Variants in EPHA3 observed in about 807,000 individuals in gnomAD.
EPHA3 encodes the protein EPH receptor A3, also known as ephrin type-A receptor 3.
In EPHA3, 42 loss-of-function variants were observed where a neutral mutation model predicts 107.1. That is an observed-to-expected ratio of 0.39 (90% CI 0.31 to 0.51). The LOEUF is 0.51. Among genes scored for constraint, EPHA3 ranks in the 20% least tolerant of loss-of-function variants. The pLI, the probability that EPHA3 is intolerant of heterozygous loss-of-function variation, is 0.78. For synonymous variants in EPHA3, 461 were observed against 424.8 expected, an observed-to-expected ratio of 1.09 and a Z score of -1.05; for missense variants, 1,183 against 1,211.2, an observed-to-expected ratio of 0.98 and a Z score of 0.35.
chr3:89,417,707 G>A (rs1233878147), intron 10 of EPHA3, among the ~76,000 whole-genome samples: 1 of 151,282 alleles, frequency 6.6e-6, no homozygotes, highest in Non-Finnish European at 1.5e-5. Context: ...CACTATAGCT[G>A]TAGATATCAT....
Position 89,408,049 on chromosome 3 carries a change from T to C in EPHA3, c.1698-18T>C, listed in dbSNP as rs774019953. 11 of 1,611,870 alleles carry C rather than the reference T, an allele frequency of 6.8e-6. No homozygotes were observed. Among genetic ancestry groups the C allele is most frequent in the Non-Finnish European group, 9.3e-6 (11 of 1,178,626 alleles). On this transcript the variant is annotated intron_variant, in intron 8 of 16. Transcript: ENST00000336596. ...ATATATTCCTCTTATGTGTTCGCTT[T>C]CCTTGATTTACCTCCAGGTTCTGTG...
intron 15 of EPHA3, among the ~76,000 whole-genome samples, chr3:89,471,472 G>A (rs1219082660): frequency 1.3e-5 from 2 of 152,108 alleles, no homozygotes; most frequent in East Asian, 1.9e-4. Flanking sequence ...AGGTTCAAGC[G>A]ATTCTCCTGC....
chr3:89,118,564 C>T (rs1396836617), intron 1 of EPHA3, among the ~76,000 whole-genome samples: 1 of 151,668 alleles, frequency 6.6e-6, no homozygotes, highest in African/African-American at 2.4e-5. Context: ...GTTTACTACC[C>T]TAACCCTATT....
At chr3:89,262,304 T>G (rs1208412261) in intron 3 of EPHA3, among the ~76,000 whole-genome samples, 2 of 152,218 alleles carry the variant, frequency 1.3e-5, no homozygotes, top group African/African-American at 4.8e-5. Flanking sequence ...AATATATTTT[T>G]AATTGTTCTG....
chr3:89,307,972 G>A (rs1463241621), intron 3 of EPHA3, among the ~76,000 whole-genome samples: 3 of 152,160 alleles, frequency 2.0e-5, no homozygotes, highest in Non-Finnish European at 4.4e-5. Flanking sequence ...ATTTACGATA[G>A]CATCTAGAAA....
chr3:89,388,976 T>C (rs1708674437), intron 5 of EPHA3, among the ~76,000 whole-genome samples: 1 of 152,090 alleles, frequency 6.6e-6, no homozygotes, highest in Non-Finnish European at 1.5e-5. Flanking sequence ...TCCAATGCAG[T>C]TGGTAAATGG....
At chr3:89,429,013 A>G in intron 11 of EPHA3, 93 bp from the exon 12 acceptor site, 1 of 799,484 alleles carries the variant, frequency 1.3e-6, no homozygotes, top group Non-Finnish European at 1.9e-6. Context: ...TTACATCTCT[A>G]TAATCCTCAG....
At chr3:89,122,759 T>G (rs1461237114) in intron 1 of EPHA3, among the ~76,000 whole-genome samples, 1 of 152,232 alleles carries the variant, frequency 6.6e-6, no homozygotes, top group Admixed American at 6.5e-5. Context: ...ACATTTTTAA[T>G]CCGCCCTCAC....
intron 10 of EPHA3, among the ~76,000 whole-genome samples, chr3:89,414,379 T>A (rs1251090241): frequency 1.3e-5 from 2 of 151,374 alleles, no homozygotes; most frequent in African/African-American, 2.4e-5. Flanking sequence ...GAAAATGGAG[T>A]AGTAACTTCT....
chr3:89,396,015 A>G (rs1408480606), intron 6 of EPHA3, 54 bp downstream of exon 6: 1 of 1,598,990 alleles, frequency 6.3e-7, no homozygotes, highest in Non-Finnish European at 8.5e-7. Context: ...CTGTTTCCTC[A>G]TGAGCTGTGC....
intron 7 of EPHA3, among the ~76,000 whole-genome samples, chr3:89,403,166 G>C (rs1299854604): frequency 6.6e-5 from 10 of 152,070 alleles, no homozygotes; most frequent in African/African-American, 2.2e-4. Flanking sequence ...TTGTATGTTG[G>C]TATTTTATAT....
intron 2 of EPHA3, among the ~76,000 whole-genome samples, chr3:89,170,643 C>A (rs1256982020): frequency 5.9e-5 from 9 of 152,108 alleles, no homozygotes; most frequent in Non-Finnish European, 1.2e-4. Context: ...AAAGTGTAGA[C>A]AGTGGGATCC....
chr3:89,475,704 C>T (rs2107578062), intron 16 of EPHA3, among the ~76,000 whole-genome samples: 1 of 152,250 alleles, frequency 6.6e-6, no homozygotes, highest in African/African-American at 2.4e-5. Flanking sequence ...AGATTCATTG[C>T]CACATGTCAT....
intron 3 of EPHA3, among the ~76,000 whole-genome samples, chr3:89,337,517 A>G (rs1432990666): frequency 6.6e-6 from 1 of 152,224 alleles, no homozygotes; most frequent in Non-Finnish European, 1.5e-5. Context: ...TACAAAAATT[A>G]AAATGTTATT....
At chr3:89,372,570 C>T (rs933191494) in intron 5 of EPHA3, among the ~76,000 whole-genome samples, 3 of 151,552 alleles carry the variant, frequency 2.0e-5, no homozygotes, top group Admixed American at 6.6e-5. Flanking sequence ...TTTTGATTGC[C>T]AACCTATGAA....
chr3:89,427,790 A>C (rs1343590411), intron 11 of EPHA3, among the ~76,000 whole-genome samples: 2 of 151,902 alleles, frequency 1.3e-5, no homozygotes, highest in African/African-American at 4.8e-5. Flanking sequence ...AGCATAAGTA[A>C]GCTGTGAGGA....
chr3:89,315,190 AT>A (rs1181355335), intron 3 of EPHA3, among the ~76,000 whole-genome samples: 3 of 151,824 alleles, frequency 2.0e-5, no homozygotes, highest in African/African-American at 4.8e-5. Context: ...TGTCATATAT[AT>A]TTTTTATATA....
chr3:89,262,680 T>C (rs1576273742), intron 3 of EPHA3, among the ~76,000 whole-genome samples: 1 of 152,234 alleles, frequency 6.6e-6, no homozygotes, highest in Non-Finnish European at 1.5e-5. Context: ...AGCCCACCTC[T>C]CTCAACTCCT....
At chr3:89,291,007 A>T (rs1559634594) in intron 3 of EPHA3, among the ~76,000 whole-genome samples, 1 of 152,162 alleles carries the variant, frequency 6.6e-6, no homozygotes, top group Non-Finnish European at 1.5e-5. Context: ...CCAGGCTCAA[A>T]TCACTTGGAT....
Sources: allele counts gnomAD v4.1 joint callset (sites outside exome capture counted in the v4.1 genomes callset), GRCh38; gene constraint gnomAD v4.1.1; transcripts MANE v1.5; gene names NCBI Gene and HGNC (gene_info 2026-07-23, HGNC 2026-07-21).